Variants in RORA observed in about 807,000 individuals in gnomAD.
RORA encodes nuclear receptor ROR-alpha.
In RORA, 7 loss-of-function variants were observed where a neutral mutation model predicts 69.5. The ratio of observed to expected loss-of-function variants is 0.10; its 90% CI spans 0.06 to 0.19. RORA has a LOEUF of 0.19. Among genes scored for constraint, RORA ranks in the 10% least tolerant of loss-of-function variants. The probability of loss-of-function intolerance (pLI) is 1.00; values close to 1 mark genes in which losing one functional copy is unlikely to be tolerated. For missense variants in RORA, 457 were observed against 663.0 expected (o/e 0.69, Z 3.41); for synonymous variants, 261 against 240.8 (o/e 1.08, Z -0.78).
At chr15:60,981,454 T>A (rs989430399) in intron 1 of RORA, among the ~76,000 whole-genome samples, 4 of 152,150 alleles carry the variant, frequency 2.6e-5, no homozygotes, top group African/African-American at 9.6e-5. Context: ...ATGGGCTTAA[T>A]GTCCTCCGGT....
rs397854053 is a variant in RORA, at chr15:60,748,309, GAA to G, written c.167-69625_167-69624del. Among the ~76,000 whole-genome samples, 310 of 32,132 alleles carry G rather than the reference GAA, an allele frequency of 9.6e-3. 4 individuals are homozygous for G. In the South Asian group the frequency reaches 0.12, roughly 12 times the overall value. 21.1% of individuals were successfully genotyped at this position (32,132 alleles called of 152,430 possible). A position where few individuals can be genotyped will look rare whatever the true frequency, so the allele number is the denominator to read the frequency against. On this transcript the variant is annotated intron_variant, in intron 1 of 10. Transcript: ENST00000335670. ...CTAAGCCAATACTGATATAATTAGC[GAA>G]AAAAAAAAAAAAAACACACACACAT...
intron 2 of RORA, among the ~76,000 whole-genome samples, chr15:60,597,277 C>G (rs1384753979): frequency 6.6e-6 from 1 of 151,564 alleles, no homozygotes; most frequent in Non-Finnish European, 1.5e-5. Context: ...TTAGGAAATT[C>G]AGAGGACTGG....
intron 1 of RORA, among the ~76,000 whole-genome samples, chr15:61,006,671 C>G (rs1300006383): frequency 6.6e-6 from 1 of 152,120 alleles, no homozygotes; most frequent in Non-Finnish European, 1.5e-5. Context: ...TCCAGACTCC[C>G]CATCAGACAC....
chr15:60,796,585 T>A (rs341427), intron 1 of RORA, among the ~76,000 whole-genome samples: 147 of 152,226 alleles, frequency 9.7e-4, no homozygotes, highest in African/African-American at 3.5e-3. Flanking sequence ...CTGGTTGGAA[T>A]ATAACGTTGT....
chr15:60,624,498 T>TATATATATA (rs2069513906), intron 2 of RORA, among the ~76,000 whole-genome samples: 1 of 52,010 alleles, frequency 1.9e-5, no homozygotes, highest in Non-Finnish European at 3.6e-5. Context: ...ATATATATAT[T>TATATATATA]TGCTGTATGT....
intron 1 of RORA, among the ~76,000 whole-genome samples, chr15:60,801,550 A>C (rs1282780780): frequency 1.3e-5 from 2 of 152,228 alleles, no homozygotes; most frequent in African/African-American, 4.8e-5. Context: ...CAAGATGAAA[A>C]AATAAAAAAC....
At chr15:60,548,237 G>A (rs1205490504) in intron 2 of RORA, among the ~76,000 whole-genome samples, 1 of 152,130 alleles carries the variant, frequency 6.6e-6, no homozygotes, top group African/African-American at 2.4e-5. Context: ...AAAAGAAGAC[G>A]ACTTGAAAGG....
intron 1 of RORA, among the ~76,000 whole-genome samples, chr15:61,105,487 C>T (rs1200380134): frequency 1.3e-5 from 2 of 152,168 alleles, no homozygotes; most frequent in Non-Finnish European, 1.5e-5. Context: ...TGGAATCTCA[C>T]CCAATCATAG....
chr15:60,623,838 G>A (rs2069486400), intron 2 of RORA, among the ~76,000 whole-genome samples: 1 of 152,170 alleles, frequency 6.6e-6, no homozygotes, highest in Non-Finnish European at 1.5e-5. Context: ...TTTGACCCAG[G>A]AGACGCAGTT....
intron 1 of RORA, among the ~76,000 whole-genome samples, chr15:60,694,988 A>G (rs948568384): frequency 6.6e-6 from 1 of 152,202 alleles, no homozygotes; most frequent in African/African-American, 2.4e-5. Context: ...CAGGCTTGCC[A>G]TCTACCCCCG....
At chr15:60,890,007 T>C (rs2073796247) in intron 1 of RORA, among the ~76,000 whole-genome samples, 1 of 152,188 alleles carries the variant, frequency 6.6e-6, no homozygotes, top group Non-Finnish European at 1.5e-5. Flanking sequence ...GTATCATACA[T>C]GTATTCATGT....
intron 1 of RORA, among the ~76,000 whole-genome samples, chr15:60,787,514 T>C (rs962862150): frequency 2.6e-5 from 4 of 152,340 alleles, no homozygotes; most frequent in African/African-American, 9.6e-5. Flanking sequence ...GCTAAGAATT[T>C]GCTTATCTAA....
At chr15:61,029,793 CAAT>C (rs1334055903) in intron 1 of RORA, among the ~76,000 whole-genome samples, 1 of 152,104 alleles carries the variant, frequency 6.6e-6, no homozygotes, top group Non-Finnish European at 1.5e-5. Context: ...CAGAGGGAGA[CAAT>C]GAGTCTGGTT....
intron 1 of RORA, among the ~76,000 whole-genome samples, chr15:61,080,210 A>G (rs1487699202): frequency 2.6e-5 from 4 of 152,108 alleles, no homozygotes; most frequent in Non-Finnish European, 5.9e-5. Flanking sequence ...AACCCCATGC[A>G]AATTTCACCT....
chr15:60,977,381 C>A (rs1357008034), intron 1 of RORA, among the ~76,000 whole-genome samples: 1 of 151,710 alleles, frequency 6.6e-6, no homozygotes, highest in Non-Finnish European at 1.5e-5. Context: ...ATGCTAAAAA[C>A]AAATTACATT....
intron 5 of RORA, among the ~76,000 whole-genome samples, chr15:60,507,428 G>C (rs920250790): frequency 6.6e-6 from 1 of 152,154 alleles, no homozygotes; most frequent in East Asian, 1.9e-4. Flanking sequence ...TCTCCTTAGA[G>C]ACACTGAAAC....
chr15:60,560,622 T>A (rs1489539076), intron 2 of RORA, among the ~76,000 whole-genome samples: 1 of 152,318 alleles, frequency 6.6e-6, no homozygotes, highest in East Asian at 1.9e-4. Context: ...GTGGGAGGGA[T>A]CACTTGAGCC....
chr15:61,066,328 C>A (rs1014935956), intron 1 of RORA, among the ~76,000 whole-genome samples: 1 of 149,250 alleles, frequency 6.7e-6, no homozygotes, highest in Non-Finnish European at 1.5e-5. Context: ...TATAAAATTT[C>A]TTTCATCTGG....
intron 1 of RORA, among the ~76,000 whole-genome samples, chr15:60,868,872 A>T (rs867844499): frequency 1.3e-5 from 2 of 152,200 alleles, no homozygotes; most frequent in African/African-American, 4.8e-5. Context: ...CTTCCTGTCT[A>T]TCTGTACATA....
Sources: gnomAD v4.1 joint callset for allele counts (sites outside exome capture counted in the v4.1 genomes callset) on GRCh38, gnomAD v4.1.1 for gene constraint, MANE v1.5 for transcripts, NCBI Gene and HGNC (gene_info 2026-07-23, HGNC 2026-07-21) for gene names.